SLC28A1: variants seen among roughly 807,000 people sequenced by gnomAD.
SLC28A1 encodes solute carrier family 28 member 1.
A neutral mutation model predicts 74.8 loss-of-function variants in SLC28A1; 64 were observed. That is an observed-to-expected ratio of 0.86 (90% confidence interval 0.70 to 1.05). The LOEUF (loss-of-function observed/expected upper bound fraction) is 1.05, where lower values mean the gene tolerates loss of function less well. Among genes scored for constraint, SLC28A1 ranks in the 50% least tolerant of loss-of-function variants. The pLI is 0.00. For synonymous variants in SLC28A1, 359 were observed against 335.0 expected, an observed-to-expected ratio of 1.07 and a Z score of -0.78; for missense variants, 828 against 822.8, an observed-to-expected ratio of 1.01 and a Z score of -0.08.
chr15:84,960,511 G>T, the SLC28A1 span, among the ~76,000 whole-genome samples: 10 of 152,098 alleles, frequency 6.6e-5, no homozygotes, highest in African/African-American at 2.2e-4. Flanking sequence ...ACCTGACTCG[G>T]CCGGCCAAAG....
chr15:84,908,677 C>T (rs777190206), intron 8 of SLC28A1, 41 bp from the exon 9 acceptor site: 2 of 1,552,196 alleles, frequency 1.3e-6, no homozygotes, highest in African/African-American at 2.7e-5. Context: ...CCCTTCCCAG[C>T]CTCACTGCCT....
rs527858512 is a variant in SLC28A1 at position 84,908,877 on chromosome 15, G to A, written c.795+82G>A. On this transcript the variant is annotated intron_variant, in intron 9 of 18. Transcript: ENST00000394573. ...CTAGAGGGGAGTCTGGGCATGGTGGGGGCCCAGGTGGAGGGGAGGAGTCCT... is the reference window on the plus strand; with the variant it reads ...CTAGAGGGGAGTCTGGGCATGGTGGAGGCCCAGGTGGAGGGGAGGAGTCCT... The A allele has an allele frequency of 7.3e-5, 83 of 1,140,318 alleles. No homozygotes were observed. The East Asian group carries it at 1.6e-3, about 23-fold the overall frequency. The allele number at this position is 1,140,318 out of a possible 1,614,324, so 70.6% of individuals were successfully genotyped here.
Position 84,920,703 on chromosome 15 carries a change from G to GTGTGTGTGTGTGTGTGTGTGTGTGTGTGT in SLC28A1, c.877-286_877-285insTGTGTGTGTGTGTGTGTGTGTGTGTGTGT, listed in dbSNP as rs113735505. On this transcript the variant is annotated intron_variant, in intron 10 of 18. Coordinates refer to ENST00000394573, the MANE Select transcript of SLC28A1 (RefSeq NM_004213.5). ...TAATGTGTATTGGTAATCTCCAAGGGGTGTGTGTGTGTGTGTGTGTGCATT... is the reference window on the plus strand; with the variant it reads ...TAATGTGTATTGGTAATCTCCAAGGGTGTGTGTGTGTGTGTGTGTGTGTGTGTGTGTGTGTGTGTGTGTGTGTGTGCATT... Among the ~76,000 whole-genome samples, 327 of 137,382 alleles carry GTGTGTGTGTGTGTGTGTGTGTGTGTGTGT rather than the reference G, an allele frequency of 2.4e-3. 2 individuals carry two copies. The highest frequency in any genetic ancestry group is 7.9e-3 in the African/African-American group (312 of 39,512). The allele number at this position is 137,382 out of a possible 152,430, so 90.1% of individuals were successfully genotyped here. A position where few individuals can be genotyped will look rare whatever the true frequency, so the allele number is the denominator to read the frequency against.
At chr15:84,969,530 C>CG in the SLC28A1 span, among the ~76,000 whole-genome samples, 5 of 29,180 alleles carry the variant, frequency 1.7e-4, no homozygotes, top group Non-Finnish European at 2.9e-4. Context: ...GAGCACCCTG[C>CG]CCCCCGACTC....
intron 5 of SLC28A1, among the ~76,000 whole-genome samples, chr15:84,893,992 T>C (rs1017753519): frequency 1.4e-4 from 21 of 152,190 alleles, no homozygotes; most frequent in African/African-American, 4.1e-4. Context: ...AGAACTTACC[T>C]TTATTCGTGA....
At chr15:84,907,822 C>T (rs1967468103) in intron 8 of SLC28A1, among the ~76,000 whole-genome samples, 1 of 152,058 alleles carries the variant, frequency 6.6e-6, no homozygotes, top group Non-Finnish European at 1.5e-5. Context: ...GGAATGTGCA[C>T]ACCTGCTGGC....
chr15:84,904,272 T>G, intron 7 of SLC28A1, 34 bp downstream of exon 7: 1 of 1,612,296 alleles, frequency 6.2e-7, no homozygotes. Flanking sequence ...GGGCTGGAAG[T>G]GTTTGCCTCT....
Position 84,887,835 on chromosome 15 carries a change from G to A in SLC28A1, c.75G>A (p.Gly25=). The A allele has an allele frequency of 6.2e-7, 1 of 1,613,736 alleles. No homozygotes were observed. The highest frequency in any genetic ancestry group is 8.5e-7 in the Non-Finnish European group (1 of 1,179,660). ...TPVAKGLENM[G]ADFLESLEEG... is the part of the protein sequence containing the mutation. ...TGGCCAAGGGTCTGGAGAACATGGG[G>A]GCTGATTTCTTGGAAAGCCTGGTCT... The change falls in exon 3 of 19, where the codon GGG becomes GGA. Residue 25 remains glycine, a synonymous_variant. Transcript: ENST00000394573.
chr15:84,943,429 T>C lies in SLC28A1; in HGVS notation c.1582-16T>C. ...TCTGAGGGGAGCCCCTCCTCATGCA[T>C]CTTCTGTATTTTCAGGTCAGAGCTG... On this transcript the variant is annotated splice_polypyrimidine_tract_variant and intron_variant, in intron 15 of 18. Transcript: ENST00000394573. 1.2e-6 allele frequency: 2 copies of C among 1,606,724 alleles called. No homozygotes were observed. Among genetic ancestry groups the C allele is most frequent in the South Asian group, 2.2e-5 (2 of 90,876 alleles).
the SLC28A1 span, among the ~76,000 whole-genome samples, chr15:84,959,643 C>G: frequency 6.6e-6 from 1 of 152,148 alleles, no homozygotes; most frequent in Admixed American, 6.5e-5. Flanking sequence ...TTTTAACTTT[C>G]CAAAGCTCTT....
intron 1 of SLC28A1, among the ~76,000 whole-genome samples, chr15:84,885,553 G>A (rs998554084): frequency 1.3e-5 from 2 of 151,794 alleles, no homozygotes; most frequent in Non-Finnish European, 2.9e-5. Flanking sequence ...CCAACATGGA[G>A]AAACCCCATC....
chr15:84,894,895 A>G, intron 5 of SLC28A1, 45 bp from the exon 6 acceptor site: 6 of 1,591,602 alleles, frequency 3.8e-6, no homozygotes, highest in Non-Finnish European at 5.2e-6. Context: ...GGTTCTGAAG[A>G]GGTGGTGTCC....
the SLC28A1 span, among the ~76,000 whole-genome samples, chr15:84,972,136 T>C: frequency 2.6e-5 from 4 of 152,218 alleles, no homozygotes; most frequent in Non-Finnish European, 2.9e-5. Flanking sequence ...CCAGAACCAC[T>C]GGCACTGCCA....
At chr15:84,911,777 T>G (rs1968263946) in intron 9 of SLC28A1, among the ~76,000 whole-genome samples, 1 of 148,074 alleles carries the variant, frequency 6.8e-6, no homozygotes, top group Non-Finnish European at 1.5e-5. Flanking sequence ...GAGAATGACT[T>G]GAACCTGGGA....
At chr15:84,924,652 G>T (rs1447683919) in intron 12 of SLC28A1, among the ~76,000 whole-genome samples, 1 of 152,188 alleles carries the variant, frequency 6.6e-6, no homozygotes, top group Non-Finnish European at 1.5e-5. Context: ...CAATCACAAT[G>T]CTACTGCATG....
chr15:84,924,785 A>C (rs543848488), intron 12 of SLC28A1, among the ~76,000 whole-genome samples: 86 of 152,358 alleles, frequency 5.6e-4, no homozygotes, highest in African/African-American at 2.0e-3. Context: ...AAAGGTCTCA[A>C]TTTTATTTCC....
At chr15:84,973,351 T>A in the SLC28A1 span, among the ~76,000 whole-genome samples, 1 of 152,124 alleles carries the variant, frequency 6.6e-6, no homozygotes, top group African/African-American at 2.4e-5. Flanking sequence ...AAATTAAAAG[T>A]CCAAGCATAG....
chr15:84,886,136 T>C (rs1181916421), intron 1 of SLC28A1: 2 of 985,304 alleles, frequency 2.0e-6, no homozygotes, highest in African/African-American at 3.5e-5. Context: ...GGCTTAGGTA[T>C]TCATTTAACA....
chr15:84,938,059 G>T (rs1028754996), intron 15 of SLC28A1, among the ~76,000 whole-genome samples: 2 of 152,120 alleles, frequency 1.3e-5, no homozygotes, highest in Admixed American at 1.3e-4. Context: ...AATTAGCCAG[G>T]TGTGGTGGCA....
Sources: gnomAD v4.1 joint callset for allele counts (sites outside exome capture counted in the v4.1 genomes callset) on GRCh38, gnomAD v4.1.1 for gene constraint, MANE v1.5 for transcripts, NCBI Gene and HGNC (gene_info 2026-07-23, HGNC 2026-07-21) for gene names.